The following MSI2 variants were observed in gnomAD, a reference collection of about 807,000 sequenced individuals.
MSI2 encodes RNA-binding protein Musashi homolog 2.
In MSI2, 17 loss-of-function variants were observed where a neutral mutation model predicts 45.6. The ratio of observed to expected loss-of-function variants is 0.37; its 90% CI spans 0.26 to 0.56. MSI2 has a LOEUF of 0.56. Ranked by LOEUF, MSI2 falls within the 20% of genes least tolerant of loss-of-function variation. MSI2 has a pLI of 0.77. For synonymous variants in MSI2, 156 were observed against 158.2 expected, an observed-to-expected ratio of 0.99 and a Z score of 0.11; for missense variants, 293 against 444.2, an observed-to-expected ratio of 0.66 and a Z score of 3.06.
chr17:57,324,521 A>G (rs970232614), intron 5 of MSI2, among the ~76,000 whole-genome samples: 28 of 152,176 alleles, frequency 1.8e-4, no homozygotes, highest in African/African-American at 6.8e-4. Context: ...CTGTCTTCCA[A>G]GTGGCTGTGC....
At chr17:57,465,857 T>G (rs2085320861) in intron 6 of MSI2, among the ~76,000 whole-genome samples, 1 of 152,210 alleles carries the variant, frequency 6.6e-6, no homozygotes, top group Non-Finnish European at 1.5e-5. Flanking sequence ...TTTATTGCGA[T>G]GCTTTTAGAG....
In MSI2 at chr17:57,596,735, C is replaced by G. The variant is rs1175006776; in HGVS notation, c.455-133C>G. On this transcript the variant is annotated intron_variant, in intron 7 of 13. Coordinates refer to ENST00000284073, the MANE Select transcript of MSI2 (RefSeq NM_138962.4). This position sits in a 1 kb window ranked among gnomAD's most constrained non-coding sequence, Gnocchi z 4.6. ...TCATTGCCTCCAACCTCAAGGTCCT[C>G]CCAAGGATCCGCCTACCTACCCCCA... 6.1e-6 allele frequency: 4 copies of G among 653,746 alleles called. No homozygotes were observed. Among genetic ancestry groups the G allele is most frequent in the Non-Finnish European group, 1.1e-5 (4 of 363,652 alleles). 40.5% of individuals were successfully genotyped at this position (653,746 alleles called of 1,614,324 possible).
At chr17:57,547,741 TACACACAC>T (rs34631177) in intron 7 of MSI2, among the ~76,000 whole-genome samples, 4,706 of 123,370 alleles carry the variant, frequency 0.038, 102 homozygotes, top group African/African-American at 0.052. Flanking sequence ...AGACAAAAAG[TACACACAC>T]ACACACACAC....
At chr17:57,632,282 C>G (rs1310744864) in intron 10 of MSI2, 1 of 1,077,942 alleles carries the variant, frequency 9.3e-7, no homozygotes, top group Non-Finnish European at 1.1e-6. Context: ...CCGTGTCTTA[C>G]GATGGACAGT....
chr17:57,424,319 C>T (rs1021208175), intron 6 of MSI2, among the ~76,000 whole-genome samples: 1 of 152,226 alleles, frequency 6.6e-6, no homozygotes, highest in African/African-American at 2.4e-5. Context: ...TGAAGATCTT[C>T]TACCTAGTAG....
chr17:57,677,131 G>A (rs1443369849), intron 13 of MSI2, 72 bp downstream of exon 13: 2 of 1,007,100 alleles, frequency 2.0e-6, no homozygotes, highest in Admixed American at 3.4e-5. Context: ...GGTCATACAT[G>A]CACGTGCGTG....
intron 6 of MSI2, among the ~76,000 whole-genome samples, chr17:57,425,836 C>T (rs949973117): frequency 6.6e-6 from 1 of 152,210 alleles, no homozygotes; most frequent in Non-Finnish European, 1.5e-5. Flanking sequence ...AACTGCCCCA[C>T]AGGGAGGTTG....
intron 6 of MSI2, chr17:57,449,728 A>G (rs1278142783): frequency 6.6e-6 from 1 of 152,268 alleles, no homozygotes; most frequent in East Asian, 1.9e-4. Flanking sequence ...GACTTTTGCT[A>G]TTAAAAGCTG....
chr17:57,465,614 T>C (rs1374768079), intron 6 of MSI2, among the ~76,000 whole-genome samples: 1 of 152,176 alleles, frequency 6.6e-6, no homozygotes. Flanking sequence ...ATGTCCTTAA[T>C]TCAGGCCTTA....
At chr17:57,344,261 A>G (rs1460740172) in intron 5 of MSI2, among the ~76,000 whole-genome samples, 1 of 152,144 alleles carries the variant, frequency 6.6e-6, no homozygotes, top group East Asian at 1.9e-4. Flanking sequence ...TTTAAAATCT[A>G]TTTCTTATAG....
intron 7 of MSI2, among the ~76,000 whole-genome samples, chr17:57,566,345 G>C (rs181237507): frequency 6.6e-6 from 1 of 152,226 alleles, no homozygotes; most frequent in Admixed American, 6.5e-5. Context: ...TCTTGATAAT[G>C]TACGTTTTAC....
In MSI2 at chr17:57,677,007, C is replaced by T. The variant is rs764544216; in HGVS notation, c.966C>T (p.Ala322=). The T allele has an allele frequency of 2.5e-6, 4 of 1,613,556 alleles. No homozygotes were observed. In the South Asian group the frequency reaches 4.4e-5, roughly 18 times the overall value. ...HGIAGPLIAT[A]FTNGYH ...TTTAGGGACCTTTGATTGCAACGGCCTTTACAAATGGATACCATTGAGCAG... is the reference window on the plus strand; with the variant it reads ...TTTAGGGACCTTTGATTGCAACGGCTTTTACAAATGGATACCATTGAGCAG... The change falls in exon 13 of 14, where the codon GCC becomes GCT. Residue 322 remains alanine, a synonymous_variant. Coordinates refer to ENST00000284073, the MANE Select transcript of MSI2 (RefSeq NM_138962.4).
chr17:57,585,436 A>T (rs894689037), intron 7 of MSI2, among the ~76,000 whole-genome samples: 5 of 152,330 alleles, frequency 3.3e-5, no homozygotes, highest in African/African-American at 1.2e-4. Context: ...TTTGTCTCAC[A>T]GAGGAGGATA....
intron 7 of MSI2, among the ~76,000 whole-genome samples, chr17:57,540,563 A>C (rs57890054): frequency 0.012 from 1,795 of 152,278 alleles, 39 homozygotes; most frequent in African/African-American, 0.041. Context: ...TCGGGTTAAG[A>C]GGAGGTCTTA....
intron 10 of MSI2, chr17:57,632,668 C>T: frequency 1.9e-6 from 2 of 1,066,108 alleles, no homozygotes; most frequent in Non-Finnish European, 2.3e-6. Context: ...TTTCCCATGG[C>T]TTGACTTCCT....
chr17:57,372,732 A>G (rs978936991), intron 5 of MSI2, among the ~76,000 whole-genome samples: 40 of 152,318 alleles, frequency 2.6e-4, no homozygotes, highest in Non-Finnish European at 4.0e-4. Flanking sequence ...TGTACTGTTC[A>G]TCGCCCCTAT....
intron 5 of MSI2, among the ~76,000 whole-genome samples, chr17:57,316,194 G>A (rs1470361815): frequency 6.6e-6 from 1 of 152,146 alleles, no homozygotes; most frequent in Admixed American, 6.5e-5. Context: ...AGGGTACAAA[G>A]TAGTAGATAC....
At chr17:57,507,233 GTGT>G (rs2086255915) in intron 6 of MSI2, among the ~76,000 whole-genome samples, 1 of 60,336 alleles carries the variant, frequency 1.7e-5, no homozygotes, top group African/African-American at 7.7e-5. Flanking sequence ...CTCTGTGTGT[GTGT>G]GTGTGTGTGT....
intron 5 of MSI2, among the ~76,000 whole-genome samples, chr17:57,276,195 AT>A: frequency 6.6e-6 from 1 of 152,304 alleles, no homozygotes. Context: ...AATCATTTTA[AT>A]TTCAGCACAT....
Sources: allele counts gnomAD v4.1 joint callset (sites outside exome capture counted in the v4.1 genomes callset), GRCh38; gene constraint gnomAD v4.1.1; non-coding constraint Gnocchi (gnomAD v3.1); transcripts MANE v1.5; gene names NCBI Gene and HGNC (gene_info 2026-07-23, HGNC 2026-07-21).